The following ARHGAP8 variants were observed in gnomAD, a reference collection of about 807,000 sequenced individuals.
ARHGAP8 encodes the protein Rho GTPase activating protein 8, also known as rho GTPase-activating protein 8.
In ARHGAP8, 62 loss-of-function variants were observed where a neutral mutation model predicts 46.1. The ratio of observed to expected loss-of-function variants is 1.34; its 90% confidence interval spans 1.10 to 1.66. The LOEUF is 1.66. Ranked by LOEUF, ARHGAP8 falls within the 40% of genes most tolerant of loss-of-function variation. The pLI is 0.00. For synonymous variants in ARHGAP8, 375 were observed against 243.1 expected (o/e 1.54, Z -5.05); for missense variants, 923 against 568.4 (o/e 1.62, Z -6.34).
intron 5 of ARHGAP8, 99 bp from the exon 6 acceptor site, chr22:44,822,268 ATGCC>A: frequency 1.1e-6 from 1 of 915,704 alleles, no homozygotes; most frequent in Non-Finnish European, 1.7e-6. Flanking sequence ...AATATGAAAA[ATGCC>A]TGCATTGTTC....
chr22:44,860,461 C>T (rs572875533), intron 11 of ARHGAP8, among the ~76,000 whole-genome samples: 5 of 152,154 alleles, frequency 3.3e-5, no homozygotes, highest in African/African-American at 9.6e-5. Context: ...CTCCCTCCAC[C>T]TTTCCCTCCT....
chr22:44,811,585 G>T (rs532318217), intron 4 of ARHGAP8, among the ~76,000 whole-genome samples: 3 of 152,316 alleles, frequency 2.0e-5, no homozygotes, highest in African/African-American at 7.2e-5. Flanking sequence ...AGGGGTTAGG[G>T]TTAGCGTTAC....
rs1205842045 is a variant in ARHGAP8, at chr22:44,758,647, G to C, written c.-72+6020G>C. On this transcript the variant is annotated intron_variant, in intron 1 of 11. Coordinates refer to ENST00000356099, the MANE Select transcript of ARHGAP8 (RefSeq NM_181335.3). ...GGGGGGGAACATAGCGTGTGCAAAGGCCGTGAGGTGGCAGTGGGGGGTGTA... is the reference window on the plus strand; with the variant it reads ...GGGGGGGAACATAGCGTGTGCAAAGCCCGTGAGGTGGCAGTGGGGGGTGTA... Among the ~76,000 whole-genome samples the C allele has an allele frequency of 2.0e-5, 3 of 151,772 alleles. No individual in the cohort carries two copies. The South Asian group carries it at 6.3e-4, about 32-fold the overall frequency.
chr22:44,786,545 T>TG lies in ARHGAP8; in HGVS notation c.19dup (p.Ala7GlyfsTer23). On this transcript the variant is annotated frameshift_variant, in exon 2 of 12. Coordinates refer to ENST00000356099, the MANE Select transcript of ARHGAP8 (RefSeq NM_181335.3). LOFTEE classifies it high-confidence loss of function. ...TGGTGCCCATGGCTGGCCAGGATCC[T>TG]GCGCTGAGCACGAGTCACCCGTTCT... 6.2e-7 allele frequency: 1 copy of TG among 1,613,084 alleles called. No homozygotes were observed. The highest frequency in any genetic ancestry group is 8.5e-7 in the Non-Finnish European group (1 of 1,179,656).
chr22:44,786,218 G>A (rs1927212979), intron 1 of ARHGAP8: 4 of 607,428 alleles, frequency 6.6e-6, no homozygotes, highest in Non-Finnish European at 1.2e-5. Context: ...CTCGACTGAT[G>A]TAGAGTGTAT....
At chr22:44,815,139 T>C (rs1201366768) in intron 5 of ARHGAP8, among the ~76,000 whole-genome samples, 1 of 152,074 alleles carries the variant, frequency 6.6e-6, no homozygotes, top group Admixed American at 6.5e-5. Context: ...TCAGCAAAGG[T>C]AAAAGGCACA....
chr22:44,860,634 C>T (rs1161534188), intron 11 of ARHGAP8, among the ~76,000 whole-genome samples: 2 of 79,770 alleles, frequency 2.5e-5, no homozygotes, highest in African/African-American at 1.1e-4. Context: ...ACCATTCAAT[C>T]TACTACACAC....
intron 7 of ARHGAP8, among the ~76,000 whole-genome samples, chr22:44,826,572 A>C (rs1467969190): frequency 1.3e-5 from 2 of 151,862 alleles, no homozygotes; most frequent in Non-Finnish European, 2.9e-5. Flanking sequence ...TTACAGGCGC[A>C]CACCACCACG....
At chr22:44,776,086 C>T (rs754613932) in intron 1 of ARHGAP8, among the ~76,000 whole-genome samples, 1 of 152,174 alleles carries the variant, frequency 6.6e-6, no homozygotes, top group East Asian at 1.9e-4. Context: ...TAAAACTTCA[C>T]GGCACTTCCC....
chr22:44,858,983 T>C (rs2070332771), intron 10 of ARHGAP8, among the ~76,000 whole-genome samples: 1 of 151,818 alleles, frequency 6.6e-6, no homozygotes, highest in Non-Finnish European at 1.5e-5. Flanking sequence ...ACAGGCAATG[T>C]ACAAAATGTC....
intron 1 of ARHGAP8, among the ~76,000 whole-genome samples, chr22:44,754,395 G>A (rs886610106): frequency 4.1e-5 from 6 of 146,964 alleles, no homozygotes; most frequent in African/African-American, 1.0e-4. Context: ...CGCTCTTGTC[G>A]CCCAGGCTGG....
intron 1 of ARHGAP8, among the ~76,000 whole-genome samples, chr22:44,779,449 C>T (rs1212231354): frequency 1.3e-5 from 2 of 152,062 alleles, no homozygotes; most frequent in African/African-American, 2.4e-5. Context: ...CACGTCGGTA[C>T]GCGTGGCTAT....
At chr22:44,808,478 G>C in intron 4 of ARHGAP8, 40 bp downstream of exon 4, 3 of 1,607,912 alleles carry the variant, frequency 1.9e-6, no homozygotes, top group South Asian at 1.1e-5. Context: ...GGTGTGGGCT[G>C]CTTGTGGCAG....
chr22:44,859,700 G>C (rs7510897), intron 10 of ARHGAP8, 31 bp from the exon 11 acceptor site: 298,013 of 1,605,894 alleles, frequency 0.19, 28,883 homozygotes, highest in East Asian at 0.36. Context: ...GGCCCCTCTG[G>C]AGCTCAGCAG....
At chr22:44,780,296 G>T in intron 1 of ARHGAP8, among the ~76,000 whole-genome samples, 1 of 152,112 alleles carries the variant, frequency 6.6e-6, no homozygotes, top group East Asian at 1.9e-4. Flanking sequence ...GGCCAAGGCT[G>T]CAGTGAGCTG....
intron 5 of ARHGAP8, among the ~76,000 whole-genome samples, chr22:44,815,614 C>T (rs1357370806): frequency 1.3e-5 from 2 of 151,068 alleles, no homozygotes; most frequent in African/African-American, 4.9e-5. Flanking sequence ...CATAGCAACC[C>T]AAATAAGCGG....
At position 44,829,931 on chromosome 22, in the gene ARHGAP8, G is replaced by A. The variant is rs112689412; in HGVS notation, c.596+4338G>A. 9.1e-3 allele frequency among the ~76,000 whole-genome samples: 1,385 copies of A among 152,234 alleles called. 19 individuals are homozygous for A. Among genetic ancestry groups the A allele is most frequent in the African/African-American group, 0.032 (1,332 of 41,536 alleles). ...CCTGAGGCCTGTGTGGGCACCTGGG[G>A]GAGGCAGGTACAGGGCAGAGCTTGA... On this transcript the variant is annotated intron_variant, in intron 7 of 11. Coordinates refer to ENST00000356099, the MANE Select transcript of ARHGAP8 (RefSeq NM_181335.3).
At chr22:44,862,206 G>A (rs150855605) in intron 11 of ARHGAP8, 69 bp from the exon 12 acceptor site, 192 of 1,524,616 alleles carry the variant, frequency 1.3e-4, no homozygotes, top group South Asian at 5.1e-4. Flanking sequence ...CCCTAAGTTC[G>A]GGAGGGAGTT....
chr22:44,862,133 A>C (rs530340243), intron 11 of ARHGAP8, 142 bp from the exon 12 acceptor site: 4 of 966,566 alleles, frequency 4.1e-6, no homozygotes, highest in Admixed American at 3.1e-5. Context: ...GTGGCTGCAC[A>C]GGGTCCCCAT....
Sources: allele counts gnomAD v4.1 joint callset (sites outside exome capture counted in the v4.1 genomes callset), GRCh38; gene constraint gnomAD v4.1.1; transcripts MANE v1.5; gene names NCBI Gene and HGNC (gene_info 2026-07-23, HGNC 2026-07-21).